The following DDX23 variants were observed in gnomAD, a reference collection of about 807,000 sequenced individuals.
The protein encoded by DDX23 is probable ATP-dependent RNA helicase DDX23.
A neutral mutation model predicts 102.7 loss-of-function variants in DDX23; 33 were observed. The ratio of observed to expected loss-of-function variants is 0.32; its 90% confidence interval spans 0.24 to 0.43. The LOEUF is 0.43. Ranked by LOEUF, DDX23 falls within the 20% of genes least tolerant of loss-of-function variation. DDX23 has a pLI of 1.00. For missense variants in DDX23, 549 were observed against 1,086.6 expected (o/e 0.51, Z 6.96); for synonymous variants, 352 against 376.0 (o/e 0.94, Z 0.74).
At chr12:48,835,137 TG>T in intron 11 of DDX23, 1 of 231,030 alleles carries the variant, frequency 4.3e-6, no homozygotes, top group Non-Finnish European at 9.1e-6. Context: ...CCCAGCTACT[TG>T]GGAGGCTGAG....
At chr12:48,847,834 T>A (rs1938693516) in intron 1 of DDX23, among the ~76,000 whole-genome samples, 1 of 150,162 alleles carries the variant, frequency 6.7e-6, no homozygotes, top group Non-Finnish European at 1.5e-5. Flanking sequence ...AAATAAAAAA[T>A]AAAAAAAACA....
At chr12:48,838,757 G>A (rs907409411) in intron 5 of DDX23, among the ~76,000 whole-genome samples, 2 of 152,042 alleles carry the variant, frequency 1.3e-5, no homozygotes, top group East Asian at 1.9e-4. Context: ...GGAGGCTGAG[G>A]CAGGAGAATT....
chr12:48,838,113 T>C, intron 5 of DDX23, 33 bp from the exon 6 acceptor site: 1 of 1,613,330 alleles, frequency 6.2e-7, no homozygotes, highest in Non-Finnish European at 8.5e-7. Context: ...CAACAAAGGA[T>C]CTGGGAGCAG....
chr12:48,833,260 C>T lies in DDX23; in HGVS notation c.1803+17G>A. The T allele has an allele frequency of 1.2e-6, 2 of 1,613,760 alleles. No individual in the cohort carries two copies. The highest frequency in any genetic ancestry group is 2.7e-5 in the African/African-American group (2 of 75,054). The stretch of plus-strand genomic sequence containing the variant: ...TTGGCCTGTCCAACTTTTCCCAGCC[C>T]AGGGAAGCAGCCTTACTTGGCGGTA... On this transcript the variant is annotated intron_variant, in intron 13 of 16. Transcript: ENST00000308025.
In DDX23 at chr12:48,836,324, C is replaced by A. The variant is rs891009213; in HGVS notation, c.1237-58G>T. The A allele has an allele frequency of 2.5e-6, 4 of 1,580,174 alleles. No individual in the cohort carries two copies. The highest frequency in any genetic ancestry group is 3.3e-5 in the Admixed American group (2 of 59,736). Reference sequence around the variant, plus strand: ...AGGGAGAGTTATACCACCTGGGCAACCACTGATAGTAGTAAGCACATCTGC... The same window carrying A: ...AGGGAGAGTTATACCACCTGGGCAAACACTGATAGTAGTAAGCACATCTGC... On this transcript the variant is annotated intron_variant, in intron 10 of 16. Transcript: ENST00000308025. This position sits in a 1 kb window ranked among gnomAD's most constrained non-coding sequence, Gnocchi z 6.1.
Position 48,830,271 on chromosome 12 carries a change from C to T in DDX23, c.*198G>A, listed in dbSNP as rs1390318943. 1 of 722,082 alleles carries T rather than the reference C, an allele frequency of 1.4e-6. No homozygotes were observed. The highest frequency in any genetic ancestry group is 2.0e-5 in the Admixed American group (1 of 49,384). The allele number at this position is 722,082 out of a possible 1,614,324, so 44.7% of individuals were successfully genotyped here. A position where few individuals can be genotyped will look rare whatever the true frequency, so the allele number is the denominator to read the frequency against. ...AGCTGTGGTAATTTGCTCTCCCTGC[C>T]TCCGACAGCGTCGTCCTCTCCTTTT... is the stretch of plus-strand genomic sequence containing the variant. On this transcript the variant is annotated 3_prime_UTR_variant, in exon 17 of 17. Transcript: ENST00000308025. The surrounding 1 kb of genome is among the most constrained non-coding windows in gnomAD (Gnocchi z 4.9).
rs976636633 is a variant in DDX23, at chr12:48,830,181, T to C, written c.*288A>G. The C allele has an allele frequency of 1.8e-6, 1 of 564,172 alleles. No homozygotes were observed. The highest frequency in any genetic ancestry group is 2.2e-5 in the Admixed American group (1 of 45,546). 34.9% of individuals were successfully genotyped at this position (564,172 alleles called of 1,614,324 possible). A position where few individuals can be genotyped will look rare whatever the true frequency, so the allele number is the denominator to read the frequency against. Reference sequence around the variant, plus strand: ...GAGCAATGCCAACTGGCTGCCCCCATAGCCTGGCATGAGCTGATGGCCCAG... The same window carrying C: ...GAGCAATGCCAACTGGCTGCCCCCACAGCCTGGCATGAGCTGATGGCCCAG... On this transcript the variant is annotated 3_prime_UTR_variant, in exon 17 of 17. Transcript: ENST00000308025. This position sits in a 1 kb window ranked among gnomAD's most constrained non-coding sequence, Gnocchi z 4.9.
intron 12 of DDX23, 95 bp downstream of exon 12, chr12:48,834,225 C>T (rs945714345): frequency 8.0e-7 from 1 of 1,252,818 alleles, no homozygotes; most frequent in South Asian, 1.5e-5. Flanking sequence ...CAGCTCCTTT[C>T]TTCATACTAC....
chr12:48,834,262 C>CA, intron 12 of DDX23, 58 bp downstream of exon 12: 1 of 1,518,950 alleles, frequency 6.6e-7, no homozygotes, highest in Non-Finnish European at 8.9e-7. Context: ...AAACTAGAAA[C>CA]AAAGCCCCAA....
At chr12:48,847,120 CAAG>C (rs1290739764) in intron 1 of DDX23, 1 of 152,194 alleles carries the variant, frequency 6.6e-6, no homozygotes, top group Non-Finnish European at 1.5e-5. Flanking sequence ...GAAAAATGAA[CAAG>C]AAGCACTTTC....
At chr12:48,837,727 C>A in intron 6 of DDX23, 70 bp from the exon 7 acceptor site, 1 of 1,590,644 alleles carries the variant, frequency 6.3e-7, no homozygotes, top group Non-Finnish European at 8.5e-7. Context: ...TGGAGGGAAT[C>A]CAGACGAGGA....
At chr12:48,843,344 A>G (rs1938603141) in intron 3 of DDX23, among the ~76,000 whole-genome samples, 1 of 151,344 alleles carries the variant, frequency 6.6e-6, no homozygotes, top group African/African-American at 2.4e-5. Context: ...AGATGCCTGT[A>G]GTCCAGCTAC....
chr12:48,837,338 C>T lies in DDX23; in HGVS notation c.809G>A (p.Arg270Gln), dbSNP rs1418397334. The T allele has an allele frequency of 1.2e-6, 2 of 1,614,066 alleles. No homozygotes were observed. The highest frequency in any genetic ancestry group is 1.7e-6 in the Non-Finnish European group (2 of 1,180,046). ...KRRRTRHLND[R>Q]KFVFEWDASE... ...TGCATCCCACTCAAAAACAAATTTCCGGTCATTGAGATGTCTCGTTCGGCG... is the reference window on the plus strand; with the variant it reads ...TGCATCCCACTCAAAAACAAATTTCTGGTCATTGAGATGTCTCGTTCGGCG... The change falls in exon 8 of 17, where the codon CGG becomes CAG. Residue 270 changes from arginine to glutamine, a missense_variant. By Grantham distance (43) the Arg-to-Gln change is conservative. Around this residue, in one of 4 missense-constraint regions of DDX23, gnomAD observed 270 missense variants for 707.0 expected, o/e 0.38. Coordinates refer to ENST00000308025, the MANE Select transcript of DDX23 (RefSeq NM_004818.3).
At chr12:48,834,593 G>A (rs1938438312) in intron 11 of DDX23, 96 bp from the exon 12 acceptor site, 4 of 1,131,780 alleles carry the variant, frequency 3.5e-6, no homozygotes. Flanking sequence ...GGGAGCAATG[G>A]GAATGGGGAG....
At chr12:48,837,740 C>A (rs2137485371) in intron 6 of DDX23, 83 bp from the exon 7 acceptor site, 13 of 1,569,952 alleles carry the variant, frequency 8.3e-6, no homozygotes, top group Admixed American at 3.9e-5. Flanking sequence ...GACGAGGAAC[C>A]CCAAATGAAG....
chr12:48,844,981 C>T (rs563771467), intron 2 of DDX23, among the ~76,000 whole-genome samples: 109 of 151,546 alleles, frequency 7.2e-4, no homozygotes, highest in African/African-American at 2.5e-3. Flanking sequence ...GGAGAAACCC[C>T]GTCTCTACTA....
At chr12:48,831,929 C>G in intron 15 of DDX23, 149 bp downstream of exon 15, 1 of 705,096 alleles carries the variant, frequency 1.4e-6, no homozygotes, top group Admixed American at 2.9e-5. Flanking sequence ...TTTATTCCCT[C>G]AAACCACCCT....
At chr12:48,841,038 A>G (rs1228442398) in intron 3 of DDX23, among the ~76,000 whole-genome samples, 1 of 152,096 alleles carries the variant, frequency 6.6e-6, no homozygotes, top group African/African-American at 2.4e-5. Flanking sequence ...TTCTGTTAGG[A>G]GCATTCTGTC....
At position 48,836,048 on chromosome 12, in the gene DDX23, TCAAA is replaced by T. The variant is rs1266744711; in HGVS notation, c.1382+69_1382+72del. On this transcript the variant is annotated intron_variant, in intron 11 of 16. Transcript: ENST00000308025. This position sits in a 1 kb window ranked among gnomAD's most constrained non-coding sequence, Gnocchi z 6.1. The stretch of plus-strand genomic sequence containing the variant: ...TCTGATTATAGACGTAAAACAAAAA[TCAAA>T]CATTCATTTGCCACTTTCACCTTTC... The T allele has an allele frequency of 2.6e-6, 4 of 1,531,152 alleles. No homozygotes were observed. The African/African-American group carries it at 4.1e-5, about 16-fold the overall frequency. 94.8% of individuals were successfully genotyped at this position (1,531,152 alleles called of 1,614,324 possible).
Sources: allele counts gnomAD v4.1 joint callset (sites outside exome capture counted in the v4.1 genomes callset), GRCh38; gene constraint gnomAD v4.1.1; regional missense constraint gnomAD v4.1.1; non-coding constraint Gnocchi (gnomAD v3.1); transcripts MANE v1.5; gene names NCBI Gene and HGNC (gene_info 2026-07-23, HGNC 2026-07-21).